Variants in TNS1 observed in about 807,000 individuals in gnomAD.
TNS1 encodes the protein tensin 1.
A neutral mutation model predicts 168.6 loss-of-function variants in TNS1; 62 were observed. That is an observed-to-expected ratio of 0.37 (90% CI 0.30 to 0.45). TNS1 has a LOEUF of 0.45. Ranked by LOEUF, TNS1 falls within the 20% of genes least tolerant of loss-of-function variation. The probability of loss-of-function intolerance (pLI) is 1.00; values close to 1 mark genes in which losing one functional copy is unlikely to be tolerated. For synonymous variants in TNS1, 934 were observed against 933.2 expected, an observed-to-expected ratio of 1.00 and a Z score of -0.02; for missense variants, 2,240 against 2,339.4, an observed-to-expected ratio of 0.96 and a Z score of 0.88.
intron 6 of TNS1, among the ~76,000 whole-genome samples, chr2:217,902,658 CAG>C (rs1010979881): frequency 2.0e-5 from 3 of 152,182 alleles, no homozygotes; most frequent in African/African-American, 7.2e-5. Context: ...TTGGCCCAAA[CAG>C]AGTCTGGCCA....
At chr2:217,806,277 C>T (rs752161362) in intron 32 of TNS1, among the ~76,000 whole-genome samples, 3 of 152,366 alleles carry the variant, frequency 2.0e-5, no homozygotes, top group South Asian at 2.1e-4. Flanking sequence ...AGCCTCAGCC[C>T]GCAAGGGCAG....
At chr2:217,968,748 G>C (rs1320880901) in intron 3 of TNS1, among the ~76,000 whole-genome samples, 3 of 152,116 alleles carry the variant, frequency 2.0e-5, no homozygotes, top group Non-Finnish European at 4.4e-5. Flanking sequence ...AGGCTGGAGT[G>C]CAGTGGAGCA....
chr2:217,936,364 C>T (rs1344690026), intron 3 of TNS1, among the ~76,000 whole-genome samples: 16 of 152,150 alleles, frequency 1.1e-4, no homozygotes. Context: ...CGTGTGAAGA[C>T]TTGCCAAGGA....
intron 12 of TNS1, 64 bp downstream of exon 12, chr2:217,890,898 T>C: frequency 6.4e-7 from 1 of 1,560,280 alleles, no homozygotes. Flanking sequence ...AGTACACAAG[T>C]CTAGTCCCCA....
intron 3 of TNS1, among the ~76,000 whole-genome samples, chr2:217,938,127 T>TCAC (rs1956719741): frequency 1.3e-5 from 2 of 152,230 alleles, no homozygotes; most frequent in South Asian, 4.1e-4. Flanking sequence ...TCCCCAGCTG[T>TCAC]CATCATCATC....
At chr2:217,834,302 G>T (rs1944870292) in intron 21 of TNS1, among the ~76,000 whole-genome samples, 1 of 152,216 alleles carries the variant, frequency 6.6e-6, no homozygotes, top group Admixed American at 6.5e-5. Flanking sequence ...TGGATAGCTT[G>T]AGCCAGGCCC....
In TNS1 at chr2:217,848,760, T is replaced by G. The variant is rs1947056818; in HGVS notation, c.1757A>C (p.Gln586Pro). The change falls in exon 19 of 33, where the codon CAG becomes CCG. Residue 586 changes from glutamine (Q) to proline (P), a missense_variant. Transcript: ENST00000682258. ...REKQGAMYHT[Q>P]HLRSRPAGGS... ...CCCTGCTGGGCGGGACCTGAGGTGC[T>G]GGGTGTGGTACATGGCGCCTTGCTT... 1.2e-6 allele frequency: 2 copies of G among 1,614,184 alleles called. No homozygotes were observed. Among genetic ancestry groups the G allele is most frequent in the Non-Finnish European group, 1.7e-6 (2 of 1,180,040 alleles).
chr2:218,011,426 C>A (rs1302601312), upstream of TNS1, among the ~76,000 whole-genome samples: 1 of 152,136 alleles, frequency 6.6e-6, no homozygotes, highest in Non-Finnish European at 1.5e-5. Context: ...GGGCAGGCAG[C>A]CAGCCAAGCC....
At chr2:217,947,591 G>T (rs1957142187) in intron 3 of TNS1, among the ~76,000 whole-genome samples, 1 of 152,182 alleles carries the variant, frequency 6.6e-6, no homozygotes, top group Non-Finnish European at 1.5e-5. Context: ...AGGGAGCAAT[G>T]AATTGTGTGT....
intron 7 of TNS1, 59 bp downstream of exon 7, chr2:217,900,404 C>A: frequency 6.6e-7 from 1 of 1,517,730 alleles, no homozygotes. Context: ...TTAACAGGGA[C>A]ACCCACAGTG....
chr2:217,809,797 C>G (rs1940489826), intron 30 of TNS1, 26 bp downstream of exon 30: 2 of 1,602,724 alleles, frequency 1.2e-6, no homozygotes, highest in Non-Finnish European at 8.5e-7. Flanking sequence ...GAGAACCCCA[C>G]CGAGGAGCAG....
chr2:218,031,495 C>T (rs1958899541), intron 1 of TNS1, among the ~76,000 whole-genome samples: 1 of 148,250 alleles, frequency 6.7e-6, no homozygotes, highest in Non-Finnish European at 1.5e-5. Flanking sequence ...TGTGTGTGAG[C>T]AAGTCTGTGT....
At chr2:217,829,787 CT>C (rs55877504) in intron 22 of TNS1, 1,131,215 of 1,605,894 alleles carry the variant, frequency 0.7, 400,285 homozygotes, top group African/African-American at 0.81. Context: ...TCAAGCCCTG[CT>C]TTGAAAAGCC....
upstream of TNS1, among the ~76,000 whole-genome samples, chr2:218,013,255 CA>C (rs34465614): frequency 0.041 from 5,462 of 132,380 alleles, 205 homozygotes; most frequent in East Asian, 0.17. Flanking sequence ...GACTCTATCT[CA>C]AAAAAAAAAA....
intron 3 of TNS1, among the ~76,000 whole-genome samples, chr2:217,955,035 G>A (rs1389554232): frequency 6.6e-6 from 1 of 152,166 alleles, no homozygotes; most frequent in Non-Finnish European, 1.5e-5. Context: ...CTGGGTGCAG[G>A]TACCCACGGG....
At chr2:217,925,955 T>C (rs1956001382) in intron 3 of TNS1, among the ~76,000 whole-genome samples, 1 of 152,228 alleles carries the variant, frequency 6.6e-6, no homozygotes, top group South Asian at 2.1e-4. Flanking sequence ...TCCTCCTTCA[T>C]ATATTAAAGT....
rs529202536 is a variant in TNS1, at chr2:217,872,558, T to C, written c.1429+8340A>G. Among the ~76,000 whole-genome samples the C allele has an allele frequency of 3.9e-5, 6 of 152,250 alleles. No homozygotes were observed. In the South Asian group the frequency reaches 6.2e-4, roughly 16 times the overall value. ...TAGCATCCAAAAGATAGAAAATAAA[T>C]GTGGGTGAGGATGCGGAGGAAGTCT... On this transcript the variant is annotated intron_variant, in intron 18 of 32. Transcript: ENST00000682258.
intron 3 of TNS1, among the ~76,000 whole-genome samples, chr2:217,940,377 G>A (rs1274426296): frequency 3.3e-5 from 5 of 152,214 alleles, no homozygotes; most frequent in Admixed American, 2.6e-4. Flanking sequence ...GGGTCAAAGA[G>A]GCTTTTGGCT....
chr2:218,026,059 G>A (rs1319235672), intron 1 of TNS1, among the ~76,000 whole-genome samples: 1 of 152,106 alleles, frequency 6.6e-6, no homozygotes, highest in Non-Finnish European at 1.5e-5. Context: ...CCTCCATTCA[G>A]TCCCATCTTG....
Sources: gnomAD v4.1 joint callset for allele counts (sites outside exome capture counted in the v4.1 genomes callset) on GRCh38, gnomAD v4.1.1 for gene constraint, MANE v1.5 for transcripts, NCBI Gene and HGNC (gene_info 2026-07-23, HGNC 2026-07-21) for gene names.